The following KHDRBS2 variants were observed in gnomAD, a reference collection of about 807,000 sequenced individuals.
The protein encoded by KHDRBS2 is KH RNA binding domain containing, signal transduction associated 2, also known as KH domain-containing, RNA-binding, signal transduction-associated protein 2.
Under a neutral mutation model 44.3 loss-of-function variants are expected in KHDRBS2, and 26 were observed. That is an observed-to-expected ratio of 0.59 (90% CI 0.43 to 0.81). The LOEUF (loss-of-function observed/expected upper bound fraction) is 0.81. Among genes scored for constraint, KHDRBS2 ranks in the 40% least tolerant of loss-of-function variants. The pLI, the probability that KHDRBS2 is intolerant of heterozygous loss-of-function variation, is 0.00. For missense variants in KHDRBS2, 476 were observed against 433.1 expected (o/e 1.10, Z -0.88); for synonymous variants, 194 against 151.1 (o/e 1.28, Z -2.08).
intron 7 of KHDRBS2, among the ~76,000 whole-genome samples, chr6:61,722,931 G>A (rs1269412200): frequency 1.3e-5 from 2 of 151,956 alleles, no homozygotes; most frequent in Non-Finnish European, 2.9e-5. Context: ...GGATGGTCTC[G>A]ATCTCCTCAC....
intron 6 of KHDRBS2, among the ~76,000 whole-genome samples, chr6:61,805,714 C>A (rs577633469): frequency 6.6e-6 from 1 of 152,208 alleles, no homozygotes; most frequent in East Asian, 1.9e-4. Context: ...GGGCTAAAGT[C>A]CCTTATAAAA....
At chr6:61,804,042 C>G (rs1786727767) in intron 6 of KHDRBS2, among the ~76,000 whole-genome samples, 1 of 152,118 alleles carries the variant, frequency 6.6e-6, no homozygotes, top group Non-Finnish European at 1.5e-5. Context: ...TCCCAATAGC[C>G]CCCCAAAGTC....
chr6:61,893,282 C>T (rs1436971110), intron 6 of KHDRBS2, among the ~76,000 whole-genome samples: 3 of 152,172 alleles, frequency 2.0e-5, no homozygotes, highest in Non-Finnish European at 4.4e-5. Context: ...GAAGTAGGAA[C>T]ACTTTTACAC....
intron 2 of KHDRBS2, among the ~76,000 whole-genome samples, chr6:62,058,070 T>G (rs1790698894): frequency 6.6e-6 from 1 of 151,962 alleles, no homozygotes; most frequent in Non-Finnish European, 1.5e-5. Context: ...TTAAAACATC[T>G]TTTCTTTTTT....
intron 4 of KHDRBS2, among the ~76,000 whole-genome samples, chr6:61,958,650 C>A (rs1172667872): frequency 2.0e-5 from 3 of 152,156 alleles, no homozygotes; most frequent in African/African-American, 4.8e-5. Flanking sequence ...ACACCATGAG[C>A]CTTGTTTACA....
At chr6:62,215,756 T>C (rs746074659) in intron 1 of KHDRBS2, among the ~76,000 whole-genome samples, 1 of 151,766 alleles carries the variant, frequency 6.6e-6, no homozygotes, top group Non-Finnish European at 1.5e-5. Flanking sequence ...ATACAATCTT[T>C]AATAAATCAT....
chr6:61,740,453 A>T (rs6454707), intron 6 of KHDRBS2, among the ~76,000 whole-genome samples: 1 of 151,596 alleles, frequency 6.6e-6, no homozygotes. Context: ...CAAAGAAGCC[A>T]TTGAAGGGTT....
intron 1 of KHDRBS2, among the ~76,000 whole-genome samples, chr6:62,276,996 G>A (rs1488364697): frequency 6.6e-6 from 1 of 152,156 alleles, no homozygotes; most frequent in East Asian, 1.9e-4. Flanking sequence ...TTGGTGGGTA[G>A]ATTACTTGTG....
chr6:62,123,982 AT>A (rs563693711), intron 2 of KHDRBS2, among the ~76,000 whole-genome samples: 2 of 152,164 alleles, frequency 1.3e-5, no homozygotes, highest in South Asian at 2.1e-4. Flanking sequence ...TGATTCATTG[AT>A]TTTTCCCCCC....
intron 2 of KHDRBS2, among the ~76,000 whole-genome samples, chr6:62,102,382 C>A (rs1802102019): frequency 6.6e-6 from 1 of 152,176 alleles, no homozygotes; most frequent in South Asian, 2.1e-4. Flanking sequence ...GCTTCCACTG[C>A]AGGCACCAGG....
At chr6:61,766,863 T>C (rs1446209599) in intron 6 of KHDRBS2, among the ~76,000 whole-genome samples, 1 of 152,060 alleles carries the variant, frequency 6.6e-6, no homozygotes, top group African/African-American at 2.4e-5. Flanking sequence ...TTTTTAAAAC[T>C]TGTTTTGTGT....
At chr6:62,229,356 C>G (rs1467882536) in intron 1 of KHDRBS2, among the ~76,000 whole-genome samples, 1 of 152,124 alleles carries the variant, frequency 6.6e-6, no homozygotes, top group Admixed American at 6.5e-5. Flanking sequence ...ATCTAGCCTC[C>G]CAGGCTTCAG....
chr6:62,065,646 G>A (rs1205098221), intron 2 of KHDRBS2, among the ~76,000 whole-genome samples: 1 of 110,852 alleles, frequency 9.0e-6, no homozygotes, highest in Non-Finnish European at 1.8e-5. Flanking sequence ...GGTGGGGGGA[G>A]GGGGGAGGGA....
chr6:61,811,064 T>C (rs754156588), intron 6 of KHDRBS2, among the ~76,000 whole-genome samples: 6 of 152,254 alleles, frequency 3.9e-5, no homozygotes, highest in East Asian at 1.9e-4. Flanking sequence ...TCACTCAAGA[T>C]AGTGAACATA....
intron 7 of KHDRBS2, among the ~76,000 whole-genome samples, chr6:61,718,449 A>G (rs1295884268): frequency 2.0e-5 from 3 of 152,128 alleles, no homozygotes; most frequent in African/African-American, 7.2e-5. Context: ...GAAGTGTGAT[A>G]AAAATTTTAG....
At chr6:62,013,110 A>T (rs1780599079) in intron 3 of KHDRBS2, among the ~76,000 whole-genome samples, 1 of 152,148 alleles carries the variant, frequency 6.6e-6, no homozygotes, top group South Asian at 2.1e-4. Flanking sequence ...GAGGACTTTG[A>T]TTTCTTTGGA....
chr6:61,840,036 T>C (rs1793360738), intron 6 of KHDRBS2, among the ~76,000 whole-genome samples: 1 of 152,102 alleles, frequency 6.6e-6, no homozygotes, highest in African/African-American at 2.4e-5. Context: ...TGTTACCTTT[T>C]ATAATAATAT....
intron 2 of KHDRBS2, among the ~76,000 whole-genome samples, chr6:62,064,982 G>T (rs959879938): frequency 6.6e-6 from 1 of 152,012 alleles, no homozygotes; most frequent in African/African-American, 2.4e-5. Flanking sequence ...GACATGAACA[G>T]ACACTTCTCA....
At chr6:61,654,211 A>T in the KHDRBS2 span, among the ~76,000 whole-genome samples, 1 of 152,126 alleles carries the variant, frequency 6.6e-6, no homozygotes, top group African/African-American at 2.4e-5. Context: ...CCTATAAATC[A>T]GTTCCTTTCA....
Sources: gnomAD v4.1 joint callset for allele counts (sites outside exome capture counted in the v4.1 genomes callset) on GRCh38, gnomAD v4.1.1 for gene constraint, MANE v1.5 for transcripts, NCBI Gene and HGNC (gene_info 2026-07-23, HGNC 2026-07-21) for gene names.